The following MAGI2 variants were observed in gnomAD, a reference collection of about 807,000 sequenced individuals.
MAGI2 encodes the protein membrane associated guanylate kinase, WW and PDZ domain containing 2.
Under a neutral mutation model 133.3 loss-of-function variants are expected in MAGI2, and 35 were observed. The observed-to-expected ratio is 0.26, with a 90% confidence interval of 0.20 to 0.35. The LOEUF is 0.35. Ranked by LOEUF, MAGI2 falls within the 10% of genes least tolerant of loss-of-function variation. The pLI, the probability that MAGI2 is intolerant of heterozygous loss-of-function variation, is 1.00. For synonymous variants in MAGI2, 729 were observed against 710.6 expected, an observed-to-expected ratio of 1.03 and a Z score of -0.41; for missense variants, 1,636 against 1,863.4, an observed-to-expected ratio of 0.88 and a Z score of 2.25.
At chr7:79,196,953 T>TAC (rs1038085615) in intron 1 of MAGI2, among the ~76,000 whole-genome samples, 1 of 151,466 alleles carries the variant, frequency 6.6e-6, no homozygotes, top group African/African-American at 2.4e-5. Context: ...TTTTTATATA[T>TAC]ATAGAGAGAG....
At chr7:78,529,812 T>C (rs1453881828) in intron 3 of MAGI2, among the ~76,000 whole-genome samples, 1 of 150,824 alleles carries the variant, frequency 6.6e-6, no homozygotes, top group Admixed American at 6.6e-5. Context: ...CCACCACACC[T>C]GGCCAATCAT....
rs376450948 is a variant in MAGI2 at position 78,427,039 on chromosome 7, A to G, written c.1046-57826T>C. ...AACATTTTACATGAAATAATATAAC[A>G]TTAACTCTAAAGTGTGGCAAGTTAA... On this transcript the variant is annotated intron_variant, in intron 6 of 21. Transcript: ENST00000354212. 4.1e-4 allele frequency among the ~76,000 whole-genome samples: 62 copies of G among 152,326 alleles called. 2 individuals carry two copies. Among genetic ancestry groups the G allele is most frequent in the African/African-American group, 1.1e-3 (46 of 41,570 alleles).
intron 1 of MAGI2, among the ~76,000 whole-genome samples, chr7:79,430,140 T>C (rs1326645481): frequency 1.3e-5 from 2 of 152,114 alleles, no homozygotes; most frequent in Non-Finnish European, 2.9e-5. Context: ...ATTTGCTAAA[T>C]AGGAAATATC....
intron 2 of MAGI2, among the ~76,000 whole-genome samples, chr7:78,891,598 C>T (rs927222856): frequency 6.6e-6 from 1 of 152,188 alleles, no homozygotes; most frequent in African/African-American, 2.4e-5. Context: ...AAATGTAATG[C>T]ATCATGTAAA....
chr7:78,476,908 AATC>A (rs1333255052), intron 6 of MAGI2, among the ~76,000 whole-genome samples: 2 of 151,930 alleles, frequency 1.3e-5, no homozygotes, highest in Non-Finnish European at 2.9e-5. Flanking sequence ...CTTTTTAAAA[AATC>A]ATCATCAGCC....
At chr7:78,976,101 A>G (rs1487752982) in intron 2 of MAGI2, among the ~76,000 whole-genome samples, 1 of 151,684 alleles carries the variant, frequency 6.6e-6, no homozygotes, top group African/African-American at 2.4e-5. Context: ...TCACTCTAAT[A>G]CCAAAATCAG....
chr7:78,040,339 GA>G (rs3840611), intron 21 of MAGI2, among the ~76,000 whole-genome samples: 61,329 of 152,054 alleles, frequency 0.4, 12,689 homozygotes, highest in African/African-American at 0.43. Context: ...GAGCGAGGAT[GA>G]GGGGAGGCAC....
At chr7:78,127,145 A>G (rs1360566472) in intron 19 of MAGI2, 52 bp downstream of exon 19, 1 of 1,345,728 alleles carries the variant, frequency 7.4e-7, no homozygotes, top group Non-Finnish European at 1.0e-6. Context: ...CATTCCTTGC[A>G]GTTCTCTGGA....
chr7:79,410,060 T>G (rs1422074650), intron 1 of MAGI2: 1 of 152,092 alleles, frequency 6.6e-6, no homozygotes, highest in African/African-American at 2.4e-5. Context: ...AGTTATTATA[T>G]TATCAAAATA....
chr7:79,367,870 T>TATATATAAATATATATATATATATATAG (rs2129130024), intron 1 of MAGI2, among the ~76,000 whole-genome samples: 1 of 110,774 alleles, frequency 9.0e-6, no homozygotes, highest in East Asian at 2.7e-4. Context: ...TATATATATA[T>TATATATAAATATATATATATATATATAG]ATATATGTCA....
At chr7:79,235,608 C>T (rs1474030784) in intron 1 of MAGI2, among the ~76,000 whole-genome samples, 1 of 152,204 alleles carries the variant, frequency 6.6e-6, no homozygotes. Flanking sequence ...ACTCCCCGAC[C>T]CCTTGCGCTT....
In MAGI2 at chr7:79,016,008, G is replaced by C. The variant is rs913396774; in HGVS notation, c.302-8802C>G. Among the ~76,000 whole-genome samples the C allele has an allele frequency of 4.5e-4, 52 of 115,898 alleles. 2 individuals are homozygous for C. The highest frequency in any genetic ancestry group is 8.7e-4 in the African/African-American group (27 of 31,030). The allele number at this position is 115,898 out of a possible 152,430, so 76.0% of individuals were successfully genotyped here. A position where few individuals can be genotyped will look rare whatever the true frequency, so the allele number is the denominator to read the frequency against. On this transcript the variant is annotated intron_variant, in intron 1 of 21. Transcript: ENST00000354212. ...TGACTCCTGGAGAAGCGGGGGGGGG[G>C]GGTGGGGGTTGAGCAGGCAAGGAGC...
chr7:78,175,902 C>T (rs1057197510), intron 14 of MAGI2, among the ~76,000 whole-genome samples: 2 of 152,156 alleles, frequency 1.3e-5, no homozygotes, highest in African/African-American at 4.8e-5. Context: ...ATGAACAATC[C>T]TGAAGGAAGC....
At chr7:78,278,642 G>T (rs1156355161) in intron 9 of MAGI2, among the ~76,000 whole-genome samples, 1 of 152,110 alleles carries the variant, frequency 6.6e-6, no homozygotes, top group East Asian at 1.9e-4. Flanking sequence ...ACAATTAACT[G>T]ACTTTAAGTA....
At chr7:78,358,162 C>CAAAAAA (rs1185043187) in intron 7 of MAGI2, 5 of 48,736 alleles carry the variant, frequency 1.0e-4, no homozygotes, top group Non-Finnish European at 1.4e-4. Flanking sequence ...GACTTTGCCT[C>CAAAAAA]AAAAAAAAAA....
At chr7:78,267,296 A>AATGGCTGGCAGAAAG (rs749903142) in intron 9 of MAGI2, among the ~76,000 whole-genome samples, 70 of 152,312 alleles carry the variant, frequency 4.6e-4, no homozygotes, top group Non-Finnish European at 7.5e-4. Context: ...AGCTTCATAA[A>AATGGCTGGCAGAAAG]ATGGCTGGCA....
chr7:78,361,749 G>A (rs971669558), intron 7 of MAGI2, among the ~76,000 whole-genome samples: 1 of 152,138 alleles, frequency 6.6e-6, no homozygotes. Context: ...TGTAAGAGTC[G>A]CTAATAAAAG....
intron 2 of MAGI2, among the ~76,000 whole-genome samples, chr7:78,982,411 G>C (rs1183009367): frequency 1.3e-5 from 2 of 151,650 alleles, no homozygotes; most frequent in Non-Finnish European, 2.9e-5. Flanking sequence ...TAAAGTTTTT[G>C]GCTAATTATA....
chr7:79,127,634 T>C (rs1376186324), intron 1 of MAGI2, among the ~76,000 whole-genome samples: 1 of 152,228 alleles, frequency 6.6e-6, no homozygotes, highest in Non-Finnish European at 1.5e-5. Flanking sequence ...TTGCCCACTT[T>C]TTGATGGGGT....
Sources: gnomAD v4.1 joint callset for allele counts (sites outside exome capture counted in the v4.1 genomes callset) on GRCh38, gnomAD v4.1.1 for gene constraint, MANE v1.5 for transcripts, NCBI Gene and HGNC (gene_info 2026-07-23, HGNC 2026-07-21) for gene names.